The following VAV3 variants were observed in gnomAD, a reference collection of about 807,000 sequenced individuals.
VAV3 encodes the protein guanine nucleotide exchange factor VAV3.
A neutral mutation model predicts 131.2 loss-of-function variants in VAV3; 94 were observed. The observed-to-expected ratio is 0.72, with a 90% CI of 0.61 to 0.85. The LOEUF is 0.85. VAV3 is among the 40% of genes least tolerant of loss of function. The pLI is 0.00. For synonymous variants in VAV3, 349 were observed against 342.0 expected (o/e 1.02, Z -0.22); for missense variants, 939 against 1,002.7 (o/e 0.94, Z 0.86).
chr1:107,732,274 G>A (rs1383528363), intron 15 of VAV3, among the ~76,000 whole-genome samples: 1 of 152,222 alleles, frequency 6.6e-6, no homozygotes, highest in Non-Finnish European at 1.5e-5. Context: ...AACAGCTCCG[G>A]TCTGCAGCTC....
chr1:107,768,152 A>G (rs936570177), intron 7 of VAV3, among the ~76,000 whole-genome samples: 2 of 152,300 alleles, frequency 1.3e-5, no homozygotes, highest in East Asian at 3.9e-4. Context: ...GTGGATCCCC[A>G]GATTATTTGA....
chr1:107,573,932 T>G, intron 26 of VAV3, 115 bp downstream of exon 26: 3 of 1,369,172 alleles, frequency 2.2e-6, no homozygotes, highest in Non-Finnish European at 2.9e-6. Flanking sequence ...CAGAGGCCTG[T>G]GGGCTGAAAG....
rs376374732 is a variant in VAV3, at chr1:107,800,560, G to C, written c.322-21068C>G. ...TTCAACTCATATTTTAGATTCAGGA[G>C]GTATATGTGCAGATTTGTTACATGG... On this transcript the variant is annotated intron_variant, in intron 2 of 26. Transcript: ENST00000370056. 1.2e-3 allele frequency among the ~76,000 whole-genome samples: 177 copies of C among 152,166 alleles called. 2 individuals are homozygous for C. In the South Asian group the frequency reaches 0.018, roughly 16 times the overall value.
At chr1:107,824,824 T>C (rs1667944046) in intron 2 of VAV3, among the ~76,000 whole-genome samples, 1 of 152,082 alleles carries the variant, frequency 6.6e-6, no homozygotes, top group Non-Finnish European at 1.5e-5. Context: ...TGCAGAATCT[T>C]ATTAAGAATT....
intron 15 of VAV3, among the ~76,000 whole-genome samples, chr1:107,734,457 G>A (rs1662460636): frequency 6.6e-6 from 1 of 152,154 alleles, no homozygotes; most frequent in Admixed American, 6.5e-5. Flanking sequence ...CTGTATTCAG[G>A]AGACCCATCT....
At chr1:107,604,492 C>T (rs893473204) in intron 22 of VAV3, among the ~76,000 whole-genome samples, 4 of 152,164 alleles carry the variant, frequency 2.6e-5, no homozygotes, top group African/African-American at 9.7e-5. Context: ...CTACCTTCAT[C>T]ACTAGTCTCC....
chr1:107,767,360 G>A (rs1283271600), intron 7 of VAV3, among the ~76,000 whole-genome samples: 2 of 152,084 alleles, frequency 1.3e-5, no homozygotes, highest in Non-Finnish European at 2.9e-5. Flanking sequence ...GTGTACCTTG[G>A]AGCACACATT....
At chr1:107,738,011 A>G (rs990707658) in intron 15 of VAV3, among the ~76,000 whole-genome samples, 2 of 152,230 alleles carry the variant, frequency 1.3e-5, no homozygotes, top group African/African-American at 4.8e-5. Flanking sequence ...TTCACCATGG[A>G]ATAACTGTGC....
chr1:107,749,214 C>T, intron 14 of VAV3, 137 bp from the exon 15 acceptor site: 3 of 822,956 alleles, frequency 3.6e-6, no homozygotes, highest in Non-Finnish European at 5.6e-6. Context: ...TTATTGTAGT[C>T]AACTTCATAT....
intron 2 of VAV3, among the ~76,000 whole-genome samples, chr1:107,805,584 C>T (rs2102314745): frequency 6.6e-6 from 1 of 152,260 alleles, no homozygotes. Flanking sequence ...TTGGAGATGA[C>T]TGAGTTTCCT....
At chr1:107,634,520 T>C (rs890529503) in intron 20 of VAV3, among the ~76,000 whole-genome samples, 17 of 152,030 alleles carry the variant, frequency 1.1e-4, no homozygotes, top group African/African-American at 3.6e-4. Flanking sequence ...ATAAAAACCC[T>C]AGAAGAAAAC....
chr1:107,876,183 T>C (rs745338306), intron 1 of VAV3, among the ~76,000 whole-genome samples: 2 of 152,058 alleles, frequency 1.3e-5, no homozygotes, highest in African/African-American at 2.4e-5. Context: ...AAAAACTATA[T>C]CAGATGCTGC....
chr1:107,726,553 T>G (rs1026676983), intron 15 of VAV3, among the ~76,000 whole-genome samples: 1 of 126,266 alleles, frequency 7.9e-6, no homozygotes, highest in Non-Finnish European at 1.8e-5. Flanking sequence ...TCAAAAAGCC[T>G]TCTTCACTAA....
chr1:107,729,205 T>A (rs926225656), intron 15 of VAV3, among the ~76,000 whole-genome samples: 1 of 152,188 alleles, frequency 6.6e-6, no homozygotes, highest in Non-Finnish European at 1.5e-5. Flanking sequence ...AATGCCAGTG[T>A]TCAATATGTC....
intron 2 of VAV3, among the ~76,000 whole-genome samples, chr1:107,801,113 C>T (rs1261233197): frequency 6.6e-6 from 1 of 152,014 alleles, no homozygotes; most frequent in Non-Finnish European, 1.5e-5. Flanking sequence ...CTATGTCTAA[C>T]ATGAGTTGGC....
At chr1:107,806,900 C>T (rs1667085136) in intron 2 of VAV3, among the ~76,000 whole-genome samples, 1 of 152,088 alleles carries the variant, frequency 6.6e-6, no homozygotes, top group Admixed American at 6.6e-5. Flanking sequence ...GCACATACTC[C>T]CATATACTTT....
At chr1:107,740,455 C>T (rs1277532495) in intron 15 of VAV3, among the ~76,000 whole-genome samples, 2 of 152,050 alleles carry the variant, frequency 1.3e-5, no homozygotes, top group Non-Finnish European at 2.9e-5. Flanking sequence ...GTTCTGTGAG[C>T]AGACATTTTT....
At chr1:107,866,174 C>T (rs1459642180) in intron 2 of VAV3, among the ~76,000 whole-genome samples, 2 of 152,130 alleles carry the variant, frequency 1.3e-5, no homozygotes, top group African/African-American at 4.8e-5. Context: ...TCCAAGCATA[C>T]TTTCCTTTCT....
At position 107,679,748 on chromosome 1, in the gene VAV3, AT is replaced by A. The variant is rs1377733364; in HGVS notation, c.1777+3739del. 5.3e-5 allele frequency among the ~76,000 whole-genome samples: 8 copies of A among 152,216 alleles called. No homozygotes were observed. The South Asian group carries it at 1.7e-3, about 32-fold the overall frequency. On this transcript the variant is annotated intron_variant, in intron 19 of 26. Transcript: ENST00000370056. ...TGAAAAATATTACATCAGTGCTCAG[AT>A]TTTCTTGAGATTTATGATCTCATGT...
Sources: gnomAD v4.1 joint callset for allele counts (sites outside exome capture counted in the v4.1 genomes callset) on GRCh38, gnomAD v4.1.1 for gene constraint, MANE v1.5 for transcripts, NCBI Gene and HGNC (gene_info 2026-07-23, HGNC 2026-07-21) for gene names.